The following STAMBP variants were observed in gnomAD, a reference collection of about 807,000 sequenced individuals.
STAMBP encodes the protein STAM-binding protein.
STAMBP carries 31 observed loss-of-function variants against 50.7 expected under a neutral mutation model. The ratio of observed to expected loss-of-function variants is 0.61; its 90% confidence interval spans 0.46 to 0.83. The LOEUF (loss-of-function observed/expected upper bound fraction) is 0.83, where lower values mean the gene tolerates loss of function less well. Among genes scored for constraint, STAMBP ranks in the 40% least tolerant of loss-of-function variants. The pLI, the probability that STAMBP is intolerant of heterozygous loss-of-function variation, is 0.00. For missense variants in STAMBP, 472 were observed against 518.9 expected (o/e 0.91, Z 0.88); for synonymous variants, 211 against 192.4 (o/e 1.10, Z -0.80).
In STAMBP at chr2:73,846,232, T is replaced by C. The variant is rs561776303; in HGVS notation, c.375+970T>C. Among the ~76,000 whole-genome samples the C allele has an allele frequency of 3.3e-5, 5 of 152,242 alleles. No individual in the cohort carries two copies. In the South Asian group the frequency reaches 1.0e-3, roughly 32 times the overall value. On this transcript the variant is annotated intron_variant, in intron 4 of 9. Coordinates refer to ENST00000394070, the MANE Select transcript of STAMBP (RefSeq NM_213622.4). ...CCAAATGCCTCTCAAGTATTTCTTA[T>C]TAGCTTAAAATGTCACTCTGTGTTG...
At chr2:73,848,792 G>A (rs1346766676) in intron 5 of STAMBP, among the ~76,000 whole-genome samples, 1 of 152,212 alleles carries the variant, frequency 6.6e-6, no homozygotes, top group African/African-American at 2.4e-5. Flanking sequence ...TCAAACCACA[G>A]CAGGGAGGTT....
At chr2:73,839,934 G>C (rs770695612) in intron 2 of STAMBP, among the ~76,000 whole-genome samples, 1 of 152,162 alleles carries the variant, frequency 6.6e-6, no homozygotes, top group Non-Finnish European at 1.5e-5. Flanking sequence ...CATGAATCTG[G>C]AACAGTCCCA....
At chr2:73,843,194 T>TC (rs1347741946) in intron 2 of STAMBP, among the ~76,000 whole-genome samples, 1 of 147,276 alleles carries the variant, frequency 6.8e-6, no homozygotes, top group Non-Finnish European at 1.5e-5. Flanking sequence ...TATCTTTCTT[T>TC]TTTTTTTTTT....
chr2:73,831,054 T>C lies in STAMBP; in HGVS notation c.198T>C (p.Tyr66=). ...ATGCCTTCATCCTCTATAACAAGTA[T>C]ATCACGTAAGACACCTACAGTTTCC... is the stretch of plus-strand genomic sequence containing the variant. The part of the protein sequence containing the change: ...IEHAFILYNK[Y]ITLFIEKLPK... Residue 66 remains tyrosine (Y), a synonymous_variant, in exon 2 of 10, where the codon TAT becomes TAC. Transcript: ENST00000394070. The C allele has an allele frequency of 6.2e-7, 1 of 1,613,960 alleles. No individual in the cohort carries two copies. The highest frequency in any genetic ancestry group is 1.1e-5 in the South Asian group (1 of 91,082).
chr2:73,836,834 A>G (rs1674773383), intron 2 of STAMBP, among the ~76,000 whole-genome samples: 1 of 151,954 alleles, frequency 6.6e-6, no homozygotes, highest in Non-Finnish European at 1.5e-5. Flanking sequence ...CTCCACTTCA[A>G]CCCCTGGGCC....
intron 9 of STAMBP, chr2:73,860,546 TA>T (rs777633036): frequency 8.3e-5 from 82 of 987,316 alleles, no homozygotes; most frequent in Non-Finnish European, 8.2e-5. Context: ...TGTACTTCAA[TA>T]AGAGATTTGA....
chr2:73,856,812 C>G (rs187972943), intron 7 of STAMBP, among the ~76,000 whole-genome samples: 2 of 152,326 alleles, frequency 1.3e-5, no homozygotes. Context: ...TTTCCTGTCT[C>G]CACTCCTACT....
At chr2:73,844,776 C>T (rs1382364725) in intron 2 of STAMBP, 37 bp from the exon 3 acceptor site, 2 of 1,566,874 alleles carry the variant, frequency 1.3e-6, no homozygotes, top group South Asian at 1.1e-5. Context: ...GACATTTGGA[C>T]CATTTGCTTC....
chr2:73,868,413 C>T (rs999210519), downstream of STAMBP, among the ~76,000 whole-genome samples: 2 of 151,834 alleles, frequency 1.3e-5, no homozygotes, highest in African/African-American at 4.8e-5. Context: ...AGCCCTGAGG[C>T]GTTTGGTGAT....
intron 2 of STAMBP, among the ~76,000 whole-genome samples, chr2:73,831,750 A>G (rs528094597): frequency 1.3e-5 from 2 of 152,260 alleles, no homozygotes; most frequent in East Asian, 1.9e-4. Flanking sequence ...AAAAATAATT[A>G]TAATGTATTT....
intron 2 of STAMBP, among the ~76,000 whole-genome samples, chr2:73,839,591 G>A (rs1406389007): frequency 1.3e-5 from 2 of 152,168 alleles, no homozygotes; most frequent in Non-Finnish European, 2.9e-5. Context: ...ATGCATCCAT[G>A]TTAAAGAACC....
chr2:73,841,196 C>G (rs1451029520), intron 2 of STAMBP, among the ~76,000 whole-genome samples: 2 of 152,006 alleles, frequency 1.3e-5, no homozygotes, highest in Non-Finnish European at 2.9e-5. Flanking sequence ...AGATATAACC[C>G]CAGAGAACAG....
At chr2:73,871,514 C>T (rs138536948), downstream of STAMBP, among the ~76,000 whole-genome samples, 5,363 of 151,262 alleles carry the variant, frequency 0.035, 125 homozygotes, top group Non-Finnish European at 0.055. Flanking sequence ...CATCACTACA[C>T]TCCAGCCTGG....
At chr2:73,870,413 T>G (rs538378567), downstream of STAMBP, 1 of 152,394 alleles carries the variant, frequency 6.6e-6, no homozygotes, top group South Asian at 2.1e-4. Context: ...TCTTACAGCA[T>G]GAAGAAGTCC....
intron 7 of STAMBP, among the ~76,000 whole-genome samples, chr2:73,857,198 TG>T (rs1677656610): frequency 6.6e-6 from 1 of 152,218 alleles, no homozygotes; most frequent in South Asian, 2.1e-4. Flanking sequence ...GTTCTGTCCC[TG>T]GGTCCTCTCC....
At chr2:73,853,101 A>G (rs1305249161) in intron 7 of STAMBP, among the ~76,000 whole-genome samples, 1 of 152,150 alleles carries the variant, frequency 6.6e-6, no homozygotes, top group African/African-American at 2.4e-5. Context: ...ACCATGTCAC[A>G]TCCTATGGAG....
At position 73,847,617 on chromosome 2, in the gene STAMBP, G is replaced by A; in HGVS notation, c.606G>A (p.Lys202=). ...GCCCGCTAGTGCCTGACTTGGAGAA[G>A]CCCTCCTTAGATGTGTTCCCCACCT... ...LGGPLVPDLE[K]PSLDVFPTLT... The change falls in exon 5 of 10, where the codon AAG becomes AAA. Residue 202 remains lysine, a synonymous_variant. Coordinates refer to ENST00000394070, the MANE Select transcript of STAMBP (RefSeq NM_213622.4). 1 of 1,614,218 alleles carries A rather than the reference G, an allele frequency of 6.2e-7. No individual in the cohort carries two copies. Among genetic ancestry groups the A allele is most frequent in the Non-Finnish European group, 8.5e-7 (1 of 1,180,032 alleles).
chr2:73,847,994 G>C (rs1325777292), intron 5 of STAMBP, among the ~76,000 whole-genome samples: 1 of 152,186 alleles, frequency 6.6e-6, no homozygotes, highest in Non-Finnish European at 1.5e-5. Context: ...AAGTCAGACT[G>C]TCAACTTTTT....
In STAMBP at chr2:73,845,231, C is replaced by T; in HGVS notation, c.344C>T (p.Thr115Ile). The T allele has an allele frequency of 1.2e-6, 2 of 1,613,514 alleles. No homozygotes were observed. Among genetic ancestry groups the T allele is most frequent in the East Asian group, 2.2e-5 (1 of 44,850 alleles). Reference protein sequence around the residue: ...ELKAELLKRYTKEYTEYNEEK... With the variant: ...ELKAELLKRYIKEYTEYNEEK... ...AAGGCAGAGCTGTTAAAACGATATA[C>T]CAAAGAATATACAGAATATAATGAA... The change falls in exon 4 of 10, where the codon ACC becomes ATC. Residue 115 changes from threonine (T) to isoleucine (I), a missense_variant. By Grantham distance (89) the Thr-to-Ile change is moderately conservative. Transcript: ENST00000394070.
Sources: gnomAD v4.1 joint callset for allele counts (sites outside exome capture counted in the v4.1 genomes callset) on GRCh38, gnomAD v4.1.1 for gene constraint, MANE v1.5 for transcripts, NCBI Gene and HGNC (gene_info 2026-07-23, HGNC 2026-07-21) for gene names.